Variants in NSUN4 observed in about 807,000 individuals in gnomAD.
The protein encoded by NSUN4 is NOP2/Sun RNA methyltransferase 4, also known as 5-cytosine rRNA methyltransferase NSUN4.
In NSUN4, 31 loss-of-function variants were observed where a neutral mutation model predicts 43.8. That is an observed-to-expected ratio of 0.71 (90% CI 0.53 to 0.96). The LOEUF (loss-of-function observed/expected upper bound fraction) is 0.96, where lower values mean the gene tolerates loss of function less well. NSUN4 is among the 40% of genes least tolerant of loss of function. The pLI is 0.00. For synonymous variants in NSUN4, 167 were observed against 184.1 expected, an observed-to-expected ratio of 0.91 and a Z score of 0.75; for missense variants, 439 against 475.6, an observed-to-expected ratio of 0.92 and a Z score of 0.72.
chr1:46,362,089 T>G lies in NSUN4; in HGVS notation c.*243T>G. On this transcript the variant is annotated 3_prime_UTR_variant, in exon 6 of 6. Transcript: ENST00000474844. Reference sequence around the variant, plus strand: ...CCCATCTCCAGGCCTGTACTAAAGTTTGCTGCCCGCTTAGGGGCTTAGAAG... The same window carrying G: ...CCCATCTCCAGGCCTGTACTAAAGTGTGCTGCCCGCTTAGGGGCTTAGAAG... 1.9e-6 allele frequency: 1 copy of G among 532,416 alleles called. No individual in the cohort carries two copies. Among genetic ancestry groups the G allele is most frequent in the Admixed American group, 3.4e-5 (1 of 29,658 alleles). The allele number at this position is 532,416 out of a possible 1,614,324, so 33.0% of individuals were successfully genotyped here.
intron 1 of NSUN4, 68 bp downstream of exon 1, chr1:46,340,987 C>T (rs1190167072): frequency 2.1e-6 from 3 of 1,419,866 alleles, no homozygotes; most frequent in East Asian, 2.5e-5. Flanking sequence ...TTCCGTTTCC[C>T]GGCCCTCTAG....
intron 1 of NSUN4, 102 bp downstream of exon 1, chr1:46,341,021 ACT>A: frequency 8.3e-7 from 1 of 1,208,988 alleles, no homozygotes; most frequent in Non-Finnish European, 1.1e-6. Context: ...TTTCCCAAGC[ACT>A]CCACGGAACG....
At chr1:46,345,254 A>G (rs1662406807) in intron 2 of NSUN4, 110 bp downstream of exon 2, 7 of 792,844 alleles carry the variant, frequency 8.8e-6, no homozygotes, top group Non-Finnish European at 1.4e-5. Context: ...GCTAATATTT[A>G]TGGCATGTTT....
At chr1:46,370,934 AT>A in the NSUN4 span, 3 of 152,566 alleles carry the variant, frequency 2.0e-5, no homozygotes, top group Admixed American at 6.6e-5. Flanking sequence ...TTGCTGAAGG[AT>A]CCCAAAATGC....
At chr1:46,367,789 A>G (rs941141385), downstream of NSUN4, among the ~76,000 whole-genome samples, 35 of 140,772 alleles carry the variant, frequency 2.5e-4, no homozygotes, top group African/African-American at 9.2e-4. Flanking sequence ...TTTTTTTAAG[A>G]CAGGGTCTGG....
At chr1:46,341,014 C>T in intron 1 of NSUN4, 95 bp downstream of exon 1, 1 of 1,259,460 alleles carries the variant, frequency 7.9e-7, no homozygotes, top group Non-Finnish European at 1.1e-6. Context: ...TAGCGTCTTT[C>T]CCAAGCACTC....
In NSUN4 at chr1:46,361,736, A is replaced by G; in HGVS notation, c.1045A>G (p.Met349Val). Residue 349 changes from methionine to valine, a missense_variant, in exon 6 of 6, where the codon ATG (methionine) becomes GTG (valine). Met to Val is a conservative substitution (Grantham distance 21). Transcript: ENST00000474844. ...TCTGACTCACTTCCGAAGGGTTTTC[A>G]TGGACACATTTTGTTTCTTCTCATC... ...EDLTHFRRVF[M>V]DTFCFFSSCQ... The G allele has an allele frequency of 1.2e-6, 2 of 1,614,196 alleles. No homozygotes were observed. The highest frequency in any genetic ancestry group is 1.7e-6 in the Non-Finnish European group (2 of 1,180,030).
the NSUN4 span, among the ~76,000 whole-genome samples, chr1:46,383,458 T>G: frequency 6.8e-6 from 1 of 147,944 alleles, no homozygotes. Flanking sequence ...GTTTTTTTTT[T>G]TTTTTTTTTT....
chr1:46,356,947 T>C (rs1431689402), intron 4 of NSUN4, among the ~76,000 whole-genome samples: 2 of 152,194 alleles, frequency 1.3e-5, no homozygotes, highest in African/African-American at 2.4e-5. Context: ...ATTATACAAA[T>C]TGATATTAAT....
Position 46,362,130 on chromosome 1 carries a change from A to G in NSUN4, c.*284A>G. 1 of 463,542 alleles carries G rather than the reference A, an allele frequency of 2.2e-6. No individual in the cohort carries two copies. Among genetic ancestry groups the G allele is most frequent in the East Asian group, 3.9e-5 (1 of 25,490 alleles). The allele number at this position is 463,542 out of a possible 1,614,324, so 28.7% of individuals were successfully genotyped here. ...GGCTTAGAAGGAGAAGCCAGTGAGC[A>G]GGCTCACACTAAGTTGTAAACATAG... On this transcript the variant is annotated 3_prime_UTR_variant, in exon 6 of 6. Transcript: ENST00000474844.
intron 1 of NSUN4, chr1:46,341,852 TC>T (rs1476962256): frequency 1.6e-6 from 2 of 1,232,700 alleles, no homozygotes; most frequent in Non-Finnish European, 2.0e-6. Flanking sequence ...GAATGCGGCG[TC>T]CCTGTCTTCA....
intron 5 of NSUN4, among the ~76,000 whole-genome samples, chr1:46,361,274 C>T (rs558227987): frequency 6.6e-6 from 1 of 152,158 alleles, no homozygotes; most frequent in Non-Finnish European, 1.5e-5. Flanking sequence ...TGAAAAATAG[C>T]TGCTAGAGTA....
chr1:46,354,772 C>T (rs1163396765), intron 4 of NSUN4, among the ~76,000 whole-genome samples: 2 of 151,942 alleles, frequency 1.3e-5, no homozygotes, highest in Non-Finnish European at 1.5e-5. Flanking sequence ...GTTCAAAGTT[C>T]GATTCTCTTG....
intron 5 of NSUN4, among the ~76,000 whole-genome samples, chr1:46,361,081 A>C (rs1198125367): frequency 6.6e-6 from 1 of 152,094 alleles, no homozygotes; most frequent in Non-Finnish European, 1.5e-5. Flanking sequence ...TAGGAGGTGG[A>C]GGCTGCAGTG....
the NSUN4 span, among the ~76,000 whole-genome samples, chr1:46,370,285 G>A: frequency 1.8e-4 from 26 of 146,148 alleles, no homozygotes; most frequent in African/African-American, 6.4e-4. Flanking sequence ...CCAGTAGAAG[G>A]AAGTTGTAGT....
intron 4 of NSUN4, among the ~76,000 whole-genome samples, chr1:46,359,691 C>T (rs1411829999): frequency 2.0e-5 from 3 of 151,684 alleles, no homozygotes; most frequent in African/African-American, 7.3e-5. Flanking sequence ...GCTGGGATTA[C>T]AGGTGTGTGC....
chr1:46,381,747 T>C, the NSUN4 span, among the ~76,000 whole-genome samples: 1 of 152,144 alleles, frequency 6.6e-6, no homozygotes, highest in Non-Finnish European at 1.5e-5. Context: ...ATCCAACAAA[T>C]GAATGGTGAG....
At chr1:46,366,704 CAAAAAAA>C (rs34437222), downstream of NSUN4, among the ~76,000 whole-genome samples, 704 of 59,442 alleles carry the variant, frequency 0.012, 13 homozygotes, top group African/African-American at 0.052. Context: ...ACTAAAAATA[CAAAAAAA>C]AAAAAAAAAA....
the NSUN4 span, among the ~76,000 whole-genome samples, chr1:46,383,941 G>C: frequency 6.6e-6 from 1 of 152,144 alleles, no homozygotes; most frequent in Non-Finnish European, 1.5e-5. Context: ...GATGCATGTG[G>C]CCTCTGCTGC....
Sources: allele counts gnomAD v4.1 joint callset (sites outside exome capture counted in the v4.1 genomes callset), GRCh38; gene constraint gnomAD v4.1.1; transcripts MANE v1.5; gene names NCBI Gene and HGNC (gene_info 2026-07-23, HGNC 2026-07-21).